The following BMP8B variants were observed in gnomAD, a reference collection of about 807,000 sequenced individuals.
BMP8B encodes the protein bone morphogenetic protein 8b.
A neutral mutation model predicts 30.3 loss-of-function variants in BMP8B; 17 were observed. The ratio of observed to expected loss-of-function variants is 0.56; its 90% CI spans 0.38 to 0.84. BMP8B has a LOEUF of 0.84. BMP8B is among the 40% of genes least tolerant of loss of function. BMP8B has a pLI of 0.00. For missense variants in BMP8B, 253 were observed against 494.6 expected (o/e 0.51, Z 4.63); for synonymous variants, 131 against 214.7 (o/e 0.61, Z 3.41).
In BMP8B at chr1:39,764,273, A is replaced by C. The variant is rs1360180545; in HGVS notation, c.868+350T>G. ...TGGCCCAGTTGGGGAGAAAACTCGC[A>C]TAAGCAACCGAGGATCCCACAGGGT... On this transcript the variant is annotated intron_variant, in intron 4 of 6. Coordinates refer to ENST00000372827, the MANE Select transcript of BMP8B (RefSeq NM_001720.5). Among the ~76,000 whole-genome samples the C allele has an allele frequency of 3.7e-4, 56 of 151,798 alleles. No individual in the cohort carries two copies. The South Asian group carries it at 6.7e-3, about 18-fold the overall frequency.
Position 39,769,844 on chromosome 1 carries a change from G to C in BMP8B, c.673+4464C>G, listed in dbSNP as rs1199701175. On this transcript the variant is annotated intron_variant, in intron 3 of 6. Coordinates refer to ENST00000372827, the MANE Select transcript of BMP8B (RefSeq NM_001720.5). ...TTTCTTCCTGTGCACGTCAAACACGGCCTTCTCGGTGATGATGCGGTCCAC... is the reference window on the plus strand; with the variant it reads ...TTTCTTCCTGTGCACGTCAAACACGCCCTTCTCGGTGATGATGCGGTCCAC... 1.9e-6 allele frequency: 3 copies of C among 1,612,452 alleles called. No individual in the cohort carries two copies. The Admixed American group carries it at 5.0e-5, about 27-fold the overall frequency.
chr1:39,761,777 C>T (rs1039598225), intron 6 of BMP8B, among the ~76,000 whole-genome samples: 1 of 152,222 alleles, frequency 6.6e-6, no homozygotes, highest in African/African-American at 2.4e-5. Context: ...CCCAGTCTCT[C>T]CCCACTGATG....
In BMP8B at chr1:39,759,118, A is replaced by G. The variant is rs920142660; in HGVS notation, c.*1301T>C. On this transcript the variant is annotated 3_prime_UTR_variant, in exon 7 of 7. Coordinates refer to ENST00000372827, the MANE Select transcript of BMP8B (RefSeq NM_001720.5). ...GGCTTAGCAAGTCAGAAATCAAATA[A>G]ACACTCCAACTCCCAGTGGCTGCTC... 3.3e-5 allele frequency: 5 copies of G among 152,266 alleles called. No individual in the cohort carries two copies. Among genetic ancestry groups the G allele is most frequent in the African/African-American group, 9.6e-5 (4 of 41,452 alleles). The allele number at this position is 152,266 out of a possible 1,614,324, so 9.4% of individuals were successfully genotyped here. A position where few individuals can be genotyped will look rare whatever the true frequency, so the allele number is the denominator to read the frequency against.
Position 39,763,182 on chromosome 1 carries a change from T to TATTAC in BMP8B, c.968_969insGTAAT (p.Gly324Ter). 6.2e-7 allele frequency: 1 copy of TATTAC among 1,613,468 alleles called. No homozygotes were observed. The highest frequency in any genetic ancestry group is 8.5e-7 in the Non-Finnish European group (1 of 1,179,754). On this transcript the variant is annotated stop_gained and frameshift_variant, in exon 6 of 7. Coordinates refer to ENST00000372827, the MANE Select transcript of BMP8B (RefSeq NM_001720.5). LOFTEE classifies it high-confidence loss of function. ...CCTCACAGTAATAGGCCGAGTAGCC[T>TATTAC]TGGGGAGCGATGACCCAGTCCTGGG... is the stretch of plus-strand genomic sequence containing the variant.
chr1:39,775,606 G>A (rs954315523), intron 1 of BMP8B, among the ~76,000 whole-genome samples: 3 of 152,218 alleles, frequency 2.0e-5, no homozygotes, highest in African/African-American at 7.2e-5. Flanking sequence ...AATCTGCCAT[G>A]GTGTCAGGGA....
Position 39,788,383 on chromosome 1 carries a change from G to A in BMP8B, c.103C>T (p.Arg35Cys), listed in dbSNP as rs1271871553. 9.0e-6 allele frequency: 10 copies of A among 1,112,880 alleles called. No individual in the cohort carries two copies. The Admixed American group carries it at 1.5e-4, about 17-fold the overall frequency. 68.9% of individuals were successfully genotyped at this position (1,112,880 alleles called of 1,614,324 possible). The change falls in exon 1 of 7, where the codon CGT becomes TGT. Residue 35 changes from arginine to cysteine, a missense_variant. Around this residue, in one of 7 missense-constraint regions of BMP8B, gnomAD observed 54 missense variants for 70.8 expected, o/e 0.76. Coordinates refer to ENST00000372827, the MANE Select transcript of BMP8B (RefSeq NM_001720.5). This position sits in a 1 kb window ranked among gnomAD's most constrained non-coding sequence, Gnocchi z 5.8. The stretch of plus-strand genomic sequence containing the variant: ...TCCCGGCGCTCGCGCGCGCCCAGAC[G>A]TCGCTGGGGACAGCCGGGCGGGGGT... Reference protein sequence around the residue: ...LRPPPGCPQRRLGARERRDVQ... With the variant: ...LRPPPGCPQRCLGARERRDVQ...
In BMP8B at chr1:39,763,146, G is replaced by T; in HGVS notation, c.1005C>A (p.Ser335=). 6.2e-7 allele frequency: 1 copy of T among 1,614,068 alleles called. No homozygotes were observed. The highest frequency in any genetic ancestry group is 1.3e-5 in the African/African-American group (1 of 75,026). Residue 335 remains serine (S), a synonymous_variant, in exon 6 of 7, where the codon TCC becomes TCA. Transcript: ENST00000372827. ...YSAYYCEGEC[S]FPLDSCMNAT... ...CATTCATGCAGGAGTCCAGTGGGAA[G>T]GAGCACTCCCCCTCACAGTAATAGG...
chr1:39,767,301 A>G (rs1649681457), intron 3 of BMP8B, among the ~76,000 whole-genome samples: 1 of 151,814 alleles, frequency 6.6e-6, no homozygotes, highest in African/African-American at 2.4e-5. Context: ...AGAGAGCAGC[A>G]ACTGTCCAAG....
chr1:39,769,138 C>G (rs1487617187), intron 3 of BMP8B, among the ~76,000 whole-genome samples: 1 of 150,064 alleles, frequency 6.7e-6, no homozygotes, highest in Non-Finnish European at 1.5e-5. Context: ...AGTGAGATCA[C>G]TGCATTCCAT....
intron 1 of BMP8B, among the ~76,000 whole-genome samples, chr1:39,777,945 C>A (rs1443031927): frequency 1.3e-5 from 2 of 152,226 alleles, no homozygotes; most frequent in East Asian, 3.9e-4. Flanking sequence ...TCCTCAGACC[C>A]CAGGCAGGTC....
rs771658608 is a variant in BMP8B, at chr1:39,758,049, T to A, written c.*2370A>T. 6.6e-6 allele frequency: 1 copy of A among 152,244 alleles called. No individual in the cohort carries two copies. Among genetic ancestry groups the A allele is most frequent in the Non-Finnish European group, 1.5e-5 (1 of 68,048 alleles). The allele number at this position is 152,244 out of a possible 1,614,324, so 9.4% of individuals were successfully genotyped here. A position where few individuals can be genotyped will look rare whatever the true frequency, so the allele number is the denominator to read the frequency against. ...CATATCTACAAACCTTCAGGTAGTT[T>A]ACAGACATTCTTGGTGCACCCCTAA... On this transcript the variant is annotated 3_prime_UTR_variant, in exon 7 of 7. Transcript: ENST00000372827.
chr1:39,779,385 G>A (rs1176457698), intron 1 of BMP8B, among the ~76,000 whole-genome samples: 1 of 152,214 alleles, frequency 6.6e-6, no homozygotes, highest in Non-Finnish European at 1.5e-5. Context: ...GCCACTCAGG[G>A]GCTGGGTGCA....
At chr1:39,762,734 T>G in intron 6 of BMP8B, 1 of 1,419,114 alleles carries the variant, frequency 7.0e-7, no homozygotes, top group Non-Finnish European at 9.4e-7. Context: ...CGGCGGCCCG[T>G]GTGCTAAGAT....
At chr1:39,778,586 C>A (rs1267119284) in intron 1 of BMP8B, among the ~76,000 whole-genome samples, 2 of 152,164 alleles carry the variant, frequency 1.3e-5, no homozygotes, top group Non-Finnish European at 2.9e-5. Context: ...CACTGGCTTG[C>A]TTCAAGGGCT....
chr1:39,776,571 A>T (rs1199177826), intron 1 of BMP8B, among the ~76,000 whole-genome samples: 1 of 152,070 alleles, frequency 6.6e-6, no homozygotes, highest in African/African-American at 2.4e-5. Flanking sequence ...GCAGGCGAAC[A>T]GCTGTGCGGG....
intron 1 of BMP8B, among the ~76,000 whole-genome samples, chr1:39,778,729 T>C (rs900493973): frequency 1.1e-4 from 17 of 152,110 alleles, no homozygotes; most frequent in Non-Finnish European, 2.2e-4. Context: ...TCCCAGGAGA[T>C]GTAAGCAAGA....
intron 3 of BMP8B, chr1:39,770,092 C>A: frequency 8.2e-7 from 1 of 1,223,328 alleles, no homozygotes; most frequent in East Asian, 2.6e-5. Flanking sequence ...GGATGTGTCC[C>A]CCTCGGATCA....
chr1:39,766,136 T>C (rs919005025), intron 3 of BMP8B, among the ~76,000 whole-genome samples: 1 of 149,314 alleles, frequency 6.7e-6, no homozygotes, highest in African/African-American at 2.5e-5. Flanking sequence ...TATACCGTAA[T>C]TGACTTGATA....
chr1:39,762,660 G>A, intron 6 of BMP8B: 7 of 1,534,160 alleles, frequency 4.6e-6, no homozygotes, highest in Non-Finnish European at 6.1e-6. Context: ...AGGTGGGTGA[G>A]TGCACACGCA....
Sources: gnomAD v4.1 joint callset for allele counts (sites outside exome capture counted in the v4.1 genomes callset) on GRCh38, gnomAD v4.1.1 for gene constraint, gnomAD v4.1.1 regional missense constraint, Gnocchi (gnomAD v3.1) non-coding constraint, MANE v1.5 for transcripts, NCBI Gene and HGNC (gene_info 2026-07-23, HGNC 2026-07-21) for gene names.